ULK4: variants seen among roughly 807,000 people sequenced by gnomAD.
The protein encoded by ULK4 is unc-51 like kinase 4, also known as inactive serine/threonine-protein kinase ULK4.
Under a neutral mutation model 160.6 loss-of-function variants are expected in ULK4, and 133 were observed. The observed-to-expected ratio is 0.83, with a 90% CI of 0.72 to 0.96. ULK4 has a LOEUF of 0.96. Ranked by LOEUF, ULK4 falls within the 40% of genes least tolerant of loss-of-function variation. The probability of loss-of-function intolerance (pLI) is 0.00; values close to 1 mark genes in which losing one functional copy is unlikely to be tolerated. For synonymous variants in ULK4, 534 were observed against 539.8 expected (o/e 0.99, Z 0.15); for missense variants, 1,580 against 1,499.5 (o/e 1.05, Z -0.89).
At chr3:41,308,405 A>G (rs1044404437) in intron 35 of ULK4, among the ~76,000 whole-genome samples, 1 of 151,852 alleles carries the variant, frequency 6.6e-6, no homozygotes, top group Non-Finnish European at 1.5e-5. Flanking sequence ...AAGGGACTTC[A>G]TGTAACCAAA....
chr3:41,623,152 G>A (rs2033337161), intron 30 of ULK4, among the ~76,000 whole-genome samples: 1 of 152,154 alleles, frequency 6.6e-6, no homozygotes, highest in Non-Finnish European at 1.5e-5. Flanking sequence ...GTAGGTATGT[G>A]TAGTTTGTCT....
chr3:41,777,863 C>T (rs1197864621), intron 21 of ULK4, among the ~76,000 whole-genome samples: 1 of 143,644 alleles, frequency 7.0e-6, no homozygotes, highest in African/African-American at 2.6e-5. Context: ...AATTTAAACC[C>T]ACAGCCAATA....
At chr3:41,250,744 A>G (rs552274060) in intron 35 of ULK4, among the ~76,000 whole-genome samples, 1 of 152,368 alleles carries the variant, frequency 6.6e-6, no homozygotes, top group Non-Finnish European at 1.5e-5. Flanking sequence ...CTTCCTGAGT[A>G]TGCCAGAGAA....
chr3:41,736,114 C>T (rs551311028), intron 22 of ULK4, among the ~76,000 whole-genome samples: 1 of 151,402 alleles, frequency 6.6e-6, no homozygotes, highest in East Asian at 1.9e-4. Flanking sequence ...GGGTTGGTTT[C>T]AAGTCTTTGC....
At chr3:41,878,243 T>C (rs1697382652) in intron 17 of ULK4, among the ~76,000 whole-genome samples, 3 of 152,152 alleles carry the variant, frequency 2.0e-5, no homozygotes, top group Admixed American at 1.3e-4. Context: ...GCCAGCAAGC[T>C]GTCAGAGACA....
At chr3:41,912,936 A>G (rs1344276835) in intron 8 of ULK4, 37 bp from the exon 9 acceptor site, 1 of 1,595,840 alleles carries the variant, frequency 6.3e-7, no homozygotes, top group East Asian at 2.2e-5. Context: ...CTACTTTAAC[A>G]TGATTTACCA....
At chr3:41,750,442 G>A (rs2038581401) in intron 22 of ULK4, among the ~76,000 whole-genome samples, 1 of 152,024 alleles carries the variant, frequency 6.6e-6, no homozygotes, top group Admixed American at 6.6e-5. Flanking sequence ...CTTGGCACTT[G>A]GCATGTGAGA....
At chr3:41,900,159 A>C (rs1698299691) in intron 13 of ULK4, among the ~76,000 whole-genome samples, 1 of 152,130 alleles carries the variant, frequency 6.6e-6, no homozygotes, top group Non-Finnish European at 1.5e-5. Flanking sequence ...AAAAGACAAG[A>C]AGCAAAAAAA....
At chr3:41,347,355 T>C (rs533695327) in intron 35 of ULK4, among the ~76,000 whole-genome samples, 1 of 152,310 alleles carries the variant, frequency 6.6e-6, no homozygotes, top group South Asian at 2.1e-4. Flanking sequence ...ATTAACTTCA[T>C]AGTCTAAAAA....
intron 33 of ULK4, among the ~76,000 whole-genome samples, chr3:41,457,663 C>T (rs977354146): frequency 3.9e-5 from 6 of 152,214 alleles, no homozygotes; most frequent in African/African-American, 1.4e-4. Flanking sequence ...TTCCCAACAT[C>T]AGACTCCCTC....
chr3:41,868,263 T>C (rs1402727748), intron 17 of ULK4, among the ~76,000 whole-genome samples: 1 of 152,214 alleles, frequency 6.6e-6, no homozygotes, highest in Non-Finnish European at 1.5e-5. Context: ...TATTTTAAAG[T>C]AGTCTCATTT....
chr3:41,806,734 TC>T (rs1299127783), intron 19 of ULK4, among the ~76,000 whole-genome samples: 2 of 152,204 alleles, frequency 1.3e-5, no homozygotes, highest in African/African-American at 4.8e-5. Flanking sequence ...GGCAAAGCTT[TC>T]TTAACCAGGA....
At chr3:41,801,924 A>G (rs1051961431) in intron 19 of ULK4, among the ~76,000 whole-genome samples, 9 of 152,084 alleles carry the variant, frequency 5.9e-5, no homozygotes, top group Non-Finnish European at 1.0e-4. Context: ...CATATTCCAC[A>G]GAGAGGAACA....
At chr3:41,802,877 G>C (rs1189820175) in intron 19 of ULK4, among the ~76,000 whole-genome samples, 1 of 152,074 alleles carries the variant, frequency 6.6e-6, no homozygotes, top group African/African-American at 2.4e-5. Context: ...AATAAAAAAA[G>C]ATGTATAGGC....
intron 31 of ULK4, among the ~76,000 whole-genome samples, chr3:41,600,847 C>T (rs1358301658): frequency 6.6e-6 from 1 of 152,202 alleles, no homozygotes; most frequent in East Asian, 1.9e-4. Flanking sequence ...ACAAGTCACA[C>T]AGAAAACTTC....
intron 22 of ULK4, among the ~76,000 whole-genome samples, chr3:41,733,668 A>C (rs2037912763): frequency 6.6e-6 from 1 of 150,868 alleles, no homozygotes; most frequent in Non-Finnish European, 1.5e-5. Context: ...TAGACATTCC[A>C]TTGAAAAATT....
chr3:41,592,159 G>A (rs1037519297), intron 31 of ULK4, among the ~76,000 whole-genome samples: 1 of 152,290 alleles, frequency 6.6e-6, no homozygotes, highest in African/African-American at 2.4e-5. Flanking sequence ...GGGAAACGGG[G>A]ATCATCCACC....
At chr3:41,639,225 C>T (rs1226056963) in intron 30 of ULK4, among the ~76,000 whole-genome samples, 1 of 152,152 alleles carries the variant, frequency 6.6e-6, no homozygotes, top group African/African-American at 2.4e-5. Flanking sequence ...CCAATAACCA[C>T]ATAAACACAA....
chr3:41,776,584 G>GGGCC (rs1553650530), intron 21 of ULK4, among the ~76,000 whole-genome samples: 21 of 146,580 alleles, frequency 1.4e-4, no homozygotes, highest in South Asian at 4.3e-4. Flanking sequence ...GGTACAAAAT[G>GGGCC]AAATACGTCC....
Sources: gnomAD v4.1 joint callset for allele counts (sites outside exome capture counted in the v4.1 genomes callset) on GRCh38, gnomAD v4.1.1 for gene constraint, MANE v1.5 for transcripts, NCBI Gene and HGNC (gene_info 2026-07-23, HGNC 2026-07-21) for gene names.